The following CPEB3 variants were observed in gnomAD, a reference collection of about 807,000 sequenced individuals.
The protein encoded by CPEB3 is cytoplasmic polyadenylation element binding protein 3, also known as cytoplasmic polyadenylation element-binding protein 3.
Under a neutral mutation model 67.2 loss-of-function variants are expected in CPEB3, and 20 were observed. The ratio of observed to expected loss-of-function variants is 0.30; its 90% CI spans 0.21 to 0.43. The LOEUF is 0.43. Ranked by LOEUF, CPEB3 falls within the 20% of genes least tolerant of loss-of-function variation. CPEB3 has a pLI of 1.00. For missense variants in CPEB3, 746 were observed against 968.6 expected (o/e 0.77, Z 3.05); for synonymous variants, 376 against 393.1 (o/e 0.96, Z 0.51).
At chr10:92,192,347 T>C in intron 3 of CPEB3, 130 bp downstream of exon 3, 1 of 848,896 alleles carries the variant, frequency 1.2e-6, no homozygotes. Context: ...TTTAAATACA[T>C]TCCACAATGC....
chr10:92,057,485 G>T (rs1427133559), intron 9 of CPEB3, among the ~76,000 whole-genome samples: 1 of 152,194 alleles, frequency 6.6e-6, no homozygotes, highest in African/African-American at 2.4e-5. Context: ...CATGATGCCC[G>T]GAGAGCACCT....
intron 6 of CPEB3, among the ~76,000 whole-genome samples, chr10:92,133,322 A>G (rs1196681668): frequency 1.3e-5 from 2 of 152,214 alleles, no homozygotes; most frequent in African/African-American, 4.8e-5. Context: ...CGCAATAAAA[A>G]ATGATAAAGG....
intron 4 of CPEB3, among the ~76,000 whole-genome samples, chr10:92,174,206 G>A (rs1349574132): frequency 1.3e-5 from 2 of 152,162 alleles, no homozygotes; most frequent in African/African-American, 4.8e-5. Context: ...CCTCTCAGCT[G>A]AGCCTCTCCC....
At chr10:92,246,530 CAG>C (rs1349094808) in intron 1 of CPEB3, among the ~76,000 whole-genome samples, 2 of 144,092 alleles carry the variant, frequency 1.4e-5, no homozygotes, top group Non-Finnish European at 3.0e-5. Context: ...TTTTTTGAGA[CAG>C]AGTCTCACTC....
chr10:92,188,651 C>G (rs912114526), intron 3 of CPEB3, among the ~76,000 whole-genome samples: 5 of 151,706 alleles, frequency 3.3e-5, no homozygotes, highest in African/African-American at 1.2e-4. Context: ...ACCAGGGAGG[C>G]GGAGGTTGCA....
At chr10:92,112,126 C>CTTTTTTTTTTTT (rs201432910) in intron 6 of CPEB3, among the ~76,000 whole-genome samples, 1 of 122,032 alleles carries the variant, frequency 8.2e-6, no homozygotes, top group Non-Finnish European at 1.7e-5. Flanking sequence ...GACCACGTTC[C>CTTTTTTTTTTTT]TTTTTTTTTT....
chr10:92,161,069 G>T (rs1847450122), intron 4 of CPEB3, among the ~76,000 whole-genome samples: 1 of 152,032 alleles, frequency 6.6e-6, no homozygotes, highest in Non-Finnish European at 1.5e-5. Flanking sequence ...TAGAGACAGG[G>T]TTTCACCATG....
intron 6 of CPEB3, among the ~76,000 whole-genome samples, chr10:92,135,932 G>A (rs570016933): frequency 3.9e-4 from 58 of 148,802 alleles, no homozygotes; most frequent in African/African-American, 7.4e-4. Context: ...AACACTGCAT[G>A]TTCTCACTCA....
chr10:92,115,568 C>A (rs902014037), intron 6 of CPEB3, among the ~76,000 whole-genome samples: 1 of 152,144 alleles, frequency 6.6e-6, no homozygotes, highest in African/African-American at 2.4e-5. Flanking sequence ...ATGTTGATGA[C>A]TTTATGTTCT....
rs756509254 is a variant in CPEB3 at position 92,217,039 on chromosome 10, T to TAA, written c.1005+22305_1005+22306dup. Among the ~76,000 whole-genome samples the TAA allele has an allele frequency of 2.0e-3, 209 of 104,516 alleles. 1 individual carries two copies. The highest frequency in any genetic ancestry group is 7.2e-3 in the African/African-American group (196 of 27,266). The allele number at this position is 104,516 out of a possible 152,430, so 68.6% of individuals were successfully genotyped here. A position where few individuals can be genotyped will look rare whatever the true frequency, so the allele number is the denominator to read the frequency against. ...GGGTGGAGAAAGTAAATGCTAAGAC[T>TAA]AAAAAAAAAAAAAAAAAAATTGGCT... On this transcript the variant is annotated intron_variant, in intron 2 of 9. Transcript: ENST00000265997.
intron 1 of CPEB3, among the ~76,000 whole-genome samples, chr10:92,289,828 A>G (rs186595595): frequency 3.9e-4 from 46 of 117,564 alleles, no homozygotes; most frequent in African/African-American, 2.5e-3. Flanking sequence ...TAATACATAT[A>G]TATTATATAT....
intron 3 of CPEB3, among the ~76,000 whole-genome samples, chr10:92,190,511 C>T (rs7080731): frequency 0.33 from 49,796 of 150,328 alleles, 8,642 homozygotes; most frequent in Admixed American, 0.44. Flanking sequence ...ACTAAAAATA[C>T]AAAATTAGCT....
intron 2 of CPEB3, among the ~76,000 whole-genome samples, chr10:92,225,315 C>T (rs1850916539): frequency 6.6e-6 from 1 of 152,150 alleles, no homozygotes; most frequent in Non-Finnish European, 1.5e-5. Context: ...TCTGCCCACT[C>T]ACCTCTAAAT....
rs369568273 is a variant in CPEB3 at position 92,275,845 on chromosome 10, C to T, written c.-12+15081G>A. On this transcript the variant is annotated intron_variant, in intron 1 of 9. Coordinates refer to ENST00000265997, the MANE Select transcript of CPEB3 (RefSeq NM_014912.5). ...GCATGTATCAGTACTTCATTCTTTT[C>T]TTTTTTTTTTTTTTTTTTTTTGAGA... Among the ~76,000 whole-genome samples, 770 of 92,894 alleles carry T rather than the reference C, an allele frequency of 8.3e-3. 31 individuals are homozygous for T. The highest frequency in any genetic ancestry group is 0.03 in the Middle Eastern group (4 of 134). The allele number at this position is 92,894 out of a possible 152,430, so 60.9% of individuals were successfully genotyped here. A position where few individuals can be genotyped will look rare whatever the true frequency, so the allele number is the denominator to read the frequency against.
At chr10:92,173,398 C>A (rs1163118356) in intron 4 of CPEB3, among the ~76,000 whole-genome samples, 1 of 152,268 alleles carries the variant, frequency 6.6e-6, no homozygotes, top group African/African-American at 2.4e-5. Flanking sequence ...TCAGACTTCA[C>A]TTATTGACAA....
chr10:92,065,723 A>G (rs888377959), intron 9 of CPEB3, among the ~76,000 whole-genome samples: 5 of 152,184 alleles, frequency 3.3e-5, no homozygotes, highest in African/African-American at 1.2e-4. Flanking sequence ...TCTGGGACTC[A>G]GTGCTTTAAC....
intron 3 of CPEB3, among the ~76,000 whole-genome samples, chr10:92,185,945 C>T (rs1445322907): frequency 6.6e-6 from 1 of 152,038 alleles, no homozygotes; most frequent in African/African-American, 2.4e-5. Context: ...ATAATCAAAA[C>T]CTGTGAGCTT....
intron 8 of CPEB3, 144 bp from the exon 9 acceptor site, chr10:92,081,645 A>G (rs1004443698): frequency 4.5e-5 from 33 of 729,986 alleles, no homozygotes; most frequent in African/African-American, 4.3e-4. Context: ...TGTCCACACC[A>G]GTCTTACAAC....
At chr10:92,112,823 A>G (rs1199003217) in intron 6 of CPEB3, among the ~76,000 whole-genome samples, 1 of 152,250 alleles carries the variant, frequency 6.6e-6, no homozygotes, top group African/African-American at 2.4e-5. Context: ...TCTCTGGTAC[A>G]TTGCATATCA....
Sources: allele counts gnomAD v4.1 joint callset (sites outside exome capture counted in the v4.1 genomes callset), GRCh38; gene constraint gnomAD v4.1.1; transcripts MANE v1.5; gene names NCBI Gene and HGNC (gene_info 2026-07-23, HGNC 2026-07-21).